MCM5: variants seen among roughly 807,000 people sequenced by gnomAD.
MCM5 encodes DNA replication licensing factor MCM5.
Under a neutral mutation model 79.9 loss-of-function variants are expected in MCM5, and 46 were observed. That is an observed-to-expected ratio of 0.58 (90% CI 0.45 to 0.74). MCM5 has a LOEUF of 0.74. MCM5 is among the 30% of genes least tolerant of loss of function. The pLI, the probability that MCM5 is intolerant of heterozygous loss-of-function variation, is 0.00. For missense variants in MCM5, 883 were observed against 1,017.0 expected (o/e 0.87, Z 1.79); for synonymous variants, 404 against 390.5 (o/e 1.03, Z -0.41).
Position 35,406,542 on chromosome 22 carries a change from C to G in MCM5, c.424-11C>G, listed in dbSNP as rs745796722. ...CCTTAACCAACAAGCTTCCCGATGG[C>G]TCTATTACAGTCGGACATGATGTCA... On this transcript the variant is annotated splice_polypyrimidine_tract_variant and intron_variant, in intron 4 of 16. Coordinates refer to ENST00000216122, the MANE Select transcript of MCM5 (RefSeq NM_006739.4). 6.2e-7 allele frequency: 1 copy of G among 1,611,134 alleles called. No homozygotes were observed. The highest frequency in any genetic ancestry group is 1.7e-5 in the Admixed American group (1 of 59,844).
rs139470681 is a variant in MCM5 at position 35,413,879 on chromosome 22, C to T, written c.1096C>T (p.Pro366Ser). The change falls in exon 9 of 17, where the codon CCT (proline) becomes TCT (serine). Residue 366 changes from proline to serine, a missense_variant. By Grantham distance (74) the Pro-to-Ser change is moderately conservative. This residue lies in a region of MCM5 where 455 missense variants were observed against 517.5 expected (regional missense o/e 0.88). Coordinates refer to ENST00000216122, the MANE Select transcript of MCM5 (RefSeq NM_006739.4). ...LLFGGSRKRL[P>S]DGLTRRGDIN... ...CATCTACCCTTCGTCCCCCAGGCTC[C>T]CTGATGGACTTACTCGCCGAGGAGA... 149 of 1,601,856 alleles carry T rather than the reference C, an allele frequency of 9.3e-5. 1 individual carries two copies. In the African/African-American group the frequency reaches 1.9e-3, roughly 20 times the overall value.
At chr22:35,412,377 T>C in intron 7 of MCM5, 133 bp from the exon 8 acceptor site, 1 of 602,448 alleles carries the variant, frequency 1.7e-6, no homozygotes, top group East Asian at 3.0e-5. Context: ...TTTACTCAGA[T>C]AGGTTGTGCT....
chr22:35,424,202 C>T lies in MCM5; in HGVS notation c.2152C>T (p.Arg718Cys), dbSNP rs138433904. The T allele has an allele frequency of 4.5e-6, 7 of 1,553,178 alleles. No individual in the cohort carries two copies. The highest frequency in any genetic ancestry group is 4.1e-5 in the African/African-American group (3 of 73,398). The change falls in exon 17 of 17, where the codon CGC (arginine) becomes TGC (cysteine). Residue 718 changes from arginine to cysteine, a missense_variant. By Grantham distance (180) the Arg-to-Cys change is radical. Around this residue, in one of 3 missense-constraint regions of MCM5, gnomAD observed 426 missense variants for 482.3 expected, o/e 0.88. Transcript: ENST00000216122. ...IHKVLQLMLRRGEIQHRMQRK... is the reference protein window; with the variant it reads ...IHKVLQLMLRCGEIQHRMQRK... The stretch of plus-strand genomic sequence containing the variant: ...CAAGGTGCTGCAGCTCATGCTGCGG[C>T]GCGGCGAGATCCAGCATCGCATGCA...
chr22:35,453,819 TAGAGAGAGAGAGAG>T, the MCM5 span, among the ~76,000 whole-genome samples: 9 of 81,534 alleles, frequency 1.1e-4, no homozygotes, highest in Non-Finnish European at 2.0e-4. Flanking sequence ...TATATATATA[TAGAGAGAGAGAGAG>T]AGAGAGAGAG....
chr22:35,430,660 G>A, the MCM5 span, among the ~76,000 whole-genome samples: 1 of 152,052 alleles, frequency 6.6e-6, no homozygotes, highest in African/African-American at 2.4e-5. Context: ...GTGCCACCAT[G>A]CCTGGCTAAT....
chr22:35,400,626 G>GGGGCTCGAGTTCCAGTGTGGCCGC (rs1569062085), intron 2 of MCM5, 21 bp downstream of exon 2: 3 of 1,574,690 alleles, frequency 1.9e-6, no homozygotes, highest in South Asian at 1.2e-5. Flanking sequence ...TGCGGGGCCG[G>GGGGCTCGAGTTCCAGTGTGGCCGC]GGGCTCGAGT....
intron 10 of MCM5, 82 bp from the exon 11 acceptor site, chr22:35,416,257 C>A: frequency 1.5e-6 from 2 of 1,345,534 alleles, no homozygotes; most frequent in South Asian, 1.2e-5. Context: ...GGAGTGAGGG[C>A]TGCTGTTAGT....
intron 2 of MCM5, chr22:35,401,257 T>A (rs1046761753): frequency 5.2e-6 from 2 of 386,396 alleles, no homozygotes; most frequent in African/African-American, 4.2e-5. Flanking sequence ...CTGCTTCCTA[T>A]CATCCTTCCA....
downstream of MCM5, among the ~76,000 whole-genome samples, chr22:35,426,234 G>A (rs536714581): frequency 1.3e-5 from 2 of 152,312 alleles, no homozygotes; most frequent in Admixed American, 6.5e-5. Flanking sequence ...CTTCCAGATC[G>A]GGGCAGCAGC....
At chr22:35,421,540 T>G in intron 15 of MCM5, 80 bp downstream of exon 15, 1 of 1,571,036 alleles carries the variant, frequency 6.4e-7, no homozygotes, top group Non-Finnish European at 8.7e-7. Flanking sequence ...TCTGGCCTGC[T>G]GGGGGCCTGC....
chr22:35,430,882 G>A, the MCM5 span, among the ~76,000 whole-genome samples: 1 of 150,964 alleles, frequency 6.6e-6, no homozygotes, highest in Non-Finnish European at 1.5e-5. Context: ...CTTGTCTCTA[G>A]CTTTGGTCTT....
At chr22:35,443,606 T>C in the MCM5 span, among the ~76,000 whole-genome samples, 2 of 152,252 alleles carry the variant, frequency 1.3e-5, no homozygotes, top group Non-Finnish European at 2.9e-5. Context: ...ACCCTTGGGC[T>C]GTGCCTTCTG....
the MCM5 span, among the ~76,000 whole-genome samples, chr22:35,436,888 CA>C: frequency 9.1e-6 from 1 of 109,848 alleles, no homozygotes; most frequent in Non-Finnish European, 2.5e-5. Context: ...CAAGCTTTGC[CA>C]GGGGGAGAGT....
At chr22:35,440,069 A>T in the MCM5 span, among the ~76,000 whole-genome samples, 1 of 152,250 alleles carries the variant, frequency 6.6e-6, no homozygotes, top group South Asian at 2.1e-4. Context: ...TCTCGTCCAA[A>T]TTCACATGGA....
At chr22:35,453,952 A>G in the MCM5 span, among the ~76,000 whole-genome samples, 1 of 151,584 alleles carries the variant, frequency 6.6e-6, no homozygotes, top group Non-Finnish European at 1.5e-5. Context: ...TCGGGGGACA[A>G]GTCTCCACCT....
the MCM5 span, among the ~76,000 whole-genome samples, chr22:35,435,354 C>T: frequency 3.7e-4 from 56 of 152,210 alleles, no homozygotes; most frequent in East Asian, 3.9e-4. Context: ...CTCTCAGGGC[C>T]GCGGTGGGGC....
At position 35,406,574 on chromosome 22, in the gene MCM5, G is replaced by A. The variant is rs34391116; in HGVS notation, c.445G>A (p.Val149Met). 3 of 1,613,682 alleles carry A rather than the reference G, an allele frequency of 1.9e-6. No individual in the cohort carries two copies. The highest frequency in any genetic ancestry group is 1.3e-5 in the African/African-American group (1 of 74,930). The part of the protein sequence containing the change: ...SLKSDMMSHL[V>M]KIPGIIIAAS... ...ACAGTCGGACATGATGTCACACCTGGTGAAGATCCCTGGCATCATCATCGC... is the reference window on the plus strand; with the variant it reads ...ACAGTCGGACATGATGTCACACCTGATGAAGATCCCTGGCATCATCATCGC... Residue 149 changes from valine (V) to methionine (M), a missense_variant, in exon 5 of 17, where the codon GTG (valine) becomes ATG (methionine). Around this residue, in one of 3 missense-constraint regions of MCM5, gnomAD observed 455 missense variants for 517.5 expected, o/e 0.88. Coordinates refer to ENST00000216122, the MANE Select transcript of MCM5 (RefSeq NM_006739.4).
intron 8 of MCM5, among the ~76,000 whole-genome samples, chr22:35,413,280 G>A (rs1470268060): frequency 1.3e-5 from 2 of 152,094 alleles, no homozygotes; most frequent in Non-Finnish European, 2.9e-5. Context: ...TCCTGACCTC[G>A]TGATCCGCCC....
downstream of MCM5, among the ~76,000 whole-genome samples, chr22:35,426,750 C>T (rs888175568): frequency 6.6e-6 from 1 of 152,168 alleles, no homozygotes; most frequent in Non-Finnish European, 1.5e-5. Context: ...CTGTGGTTTT[C>T]CCTGCCTCAC....
Sources: gnomAD v4.1 joint callset for allele counts (sites outside exome capture counted in the v4.1 genomes callset) on GRCh38, gnomAD v4.1.1 for gene constraint, gnomAD v4.1.1 regional missense constraint, MANE v1.5 for transcripts, NCBI Gene and HGNC (gene_info 2026-07-23, HGNC 2026-07-21) for gene names.